Variants in RAP1GAP observed in about 807,000 individuals in gnomAD.
RAP1GAP encodes the protein RAP1 GTPase activating protein, also known as rap1 GTPase-activating protein 1.
In RAP1GAP, 35 loss-of-function variants were observed where a neutral mutation model predicts 87.2. The ratio of observed to expected loss-of-function variants is 0.40; its 90% CI spans 0.31 to 0.53. The LOEUF is 0.53. Ranked by LOEUF, RAP1GAP falls within the 20% of genes least tolerant of loss-of-function variation. RAP1GAP has a pLI of 0.48. For missense variants in RAP1GAP, 734 were observed against 898.9 expected (o/e 0.82, Z 2.35); for synonymous variants, 375 against 363.9 (o/e 1.03, Z -0.35).
intron 2 of RAP1GAP, among the ~76,000 whole-genome samples, chr1:21,644,850 G>C (rs935521496): frequency 1.9e-4 from 28 of 145,282 alleles, no homozygotes; most frequent in African/African-American, 6.2e-4. Flanking sequence ...GCAGTGAACC[G>C]AGATCGCGCC....
At chr1:21,597,756 G>C (rs1197588155) in intron 23 of RAP1GAP, 28 bp from the exon 24 acceptor site, 4 of 1,613,140 alleles carry the variant, frequency 2.5e-6, no homozygotes. Flanking sequence ...TGGTGAGGCA[G>C]GTGGCAAGAC....
intron 1 of RAP1GAP, among the ~76,000 whole-genome samples, chr1:21,652,151 T>C (rs1476081292): frequency 7.2e-6 from 1 of 138,438 alleles, no homozygotes; most frequent in East Asian, 2.5e-4. Context: ...AGACCCTCTG[T>C]TGGAGGGACG....
intron 2 of RAP1GAP, among the ~76,000 whole-genome samples, chr1:21,649,011 C>T (rs1020742158): frequency 4.6e-5 from 7 of 152,142 alleles, no homozygotes; most frequent in African/African-American, 1.4e-4. Context: ...CAGCCAGAGC[C>T]GTCGGGGGGC....
rs1645330144 is a variant in RAP1GAP at position 21,596,653 on chromosome 1, A to C, written c.*646T>G. The stretch of plus-strand genomic sequence containing the variant: ...CCTCAGCCCACCTGGGGCTCCAGGG[A>C]CCTCAAGAAGCAGGGTAGGGTGATA... On this transcript the variant is annotated 3_prime_UTR_variant, in exon 25 of 25. Transcript: ENST00000374765. 1 of 152,320 alleles carries C rather than the reference A, an allele frequency of 6.6e-6. No individual in the cohort carries two copies. Among genetic ancestry groups the C allele is most frequent in the Non-Finnish European group, 1.5e-5 (1 of 68,100 alleles). The allele number at this position is 152,320 out of a possible 1,614,324, so 9.4% of individuals were successfully genotyped here.
chr1:21,610,378 C>T, intron 13 of RAP1GAP, 103 bp from the exon 14 acceptor site: 1 of 1,228,464 alleles, frequency 8.1e-7, no homozygotes, highest in Non-Finnish European at 1.2e-6. Context: ...TCAGAGGGCA[C>T]ATCTAAGGAT....
At chr1:21,608,064 T>TC in intron 17 of RAP1GAP, 149 bp downstream of exon 17, 5 of 1,194,850 alleles carry the variant, frequency 4.2e-6, no homozygotes, top group Non-Finnish European at 5.7e-6. Context: ...GCTGTGTCAA[T>TC]CCCCCAGTCC....
Position 21,611,472 on chromosome 1 carries a change from T to C in RAP1GAP, c.823A>G (p.Thr275Ala). ...MFHVSTKLPY[T>A]EGDAQQLQRK... ...GCTACCTGCTGGGCGTCCCCTTCCG[T>C]GTATGGCAGCTTGGTGGACACGTGA... is the stretch of plus-strand genomic sequence containing the variant. The change falls in exon 13 of 25, where the codon ACG (threonine) becomes GCG (alanine). Residue 275 changes from threonine (T) to alanine (A), a missense_variant. Coordinates refer to ENST00000374765, the MANE Select transcript of RAP1GAP (RefSeq NM_002885.4). 6.2e-7 allele frequency: 1 copy of C among 1,614,054 alleles called. No homozygotes were observed. Among genetic ancestry groups the C allele is most frequent in the Non-Finnish European group, 8.5e-7 (1 of 1,179,960 alleles).
At chr1:21,633,482 A>G (rs1333667430) in intron 2 of RAP1GAP, among the ~76,000 whole-genome samples, 3 of 152,150 alleles carry the variant, frequency 2.0e-5, no homozygotes, top group Non-Finnish European at 4.4e-5. Flanking sequence ...TCTGGTGGCC[A>G]GGGCAGGTGG....
intron 1 of RAP1GAP, among the ~76,000 whole-genome samples, chr1:21,664,285 G>T (rs1458444982): frequency 5.3e-5 from 8 of 152,120 alleles, no homozygotes; most frequent in African/African-American, 1.9e-4. Context: ...ACAGGCGAGG[G>T]GGCCATCCTT....
chr1:21,616,973 C>T (rs1357577129), intron 7 of RAP1GAP, among the ~76,000 whole-genome samples: 1 of 152,220 alleles, frequency 6.6e-6, no homozygotes, highest in Non-Finnish European at 1.5e-5. Context: ...ACCATTTTCA[C>T]AGATTAGGAA....
intron 1 of RAP1GAP, chr1:21,651,708 A>C: frequency 3.1e-6 from 4 of 1,291,458 alleles, no homozygotes; most frequent in Non-Finnish European, 4.2e-6. Flanking sequence ...CACACCCCGC[A>C]CGGGCTCCCC....
rs199787255 is a variant in RAP1GAP at position 21,630,266 on chromosome 1, C to CTTT, written c.-112-3872_-112-3870dup. 2.7e-5 allele frequency among the ~76,000 whole-genome samples: 4 copies of CTTT among 145,882 alleles called. No homozygotes were observed. In the East Asian group the frequency reaches 7.9e-4, roughly 29 times the overall value. Reference sequence around the variant, plus strand: ...TCAATAAATACTTTTTTCTTTTTCCCTTTTTTTTTTTTGTTTTTTGAGACA... The same window carrying CTTT: ...TCAATAAATACTTTTTTCTTTTTCCCTTTTTTTTTTTTTTTGTTTTTTGAGACA... On this transcript the variant is annotated intron_variant, in intron 2 of 24. Transcript: ENST00000374765.
rs368204053 is a variant in RAP1GAP, at chr1:21,611,973, G to C, written c.612+53C>G. On this transcript the variant is annotated intron_variant, in intron 11 of 24. Coordinates refer to ENST00000374765, the MANE Select transcript of RAP1GAP (RefSeq NM_002885.4). ...TGTGCTGCCCTGGAAAAGGTGTGAG[G>C]CTCCAGATATGGGGCCAGGTGGGGA... 5.8e-4 allele frequency: 865 copies of C among 1,492,208 alleles called. 2 individuals are homozygous for C. The African/African-American group carries it at 0.01, about 18-fold the overall frequency. The allele number at this position is 1,492,208 out of a possible 1,614,324, so 92.4% of individuals were successfully genotyped here. A position where few individuals can be genotyped will look rare whatever the true frequency, so the allele number is the denominator to read the frequency against.
At chr1:21,650,234 G>A (rs888499615) in intron 1 of RAP1GAP, among the ~76,000 whole-genome samples, 19 of 152,196 alleles carry the variant, frequency 1.2e-4, no homozygotes, top group East Asian at 3.9e-4. Flanking sequence ...CCCAAGGCCC[G>A]TAGCCTGCCT....
Position 21,622,354 on chromosome 1 carries a change from C to G in RAP1GAP, c.-18-2304G>C. The G allele has an allele frequency of 2.1e-6, 1 of 468,196 alleles. No individual in the cohort carries two copies. Among genetic ancestry groups the G allele is most frequent in the Non-Finnish European group, 3.8e-6 (1 of 265,316 alleles). The allele number at this position is 468,196 out of a possible 1,614,324, so 29.0% of individuals were successfully genotyped here. On this transcript the variant is annotated intron_variant, in intron 3 of 24. Transcript: ENST00000374765. The surrounding 1 kb of genome is among the most constrained non-coding windows in gnomAD (Gnocchi z 5.7). ...GGGTCCTCACCTGCCAGCTGGCCCC[C>G]GCGGGCAGCGAGCCCCTCCGCGGAC...
In RAP1GAP at chr1:21,668,864, G is replaced by A. The variant is rs1217655185; in HGVS notation, c.-149+390C>T. ...GCGCTAGGGCTTGGGCCCCTCCCCA[G>A]GGATGGAGGAAACGCGCCCACTTCC... On this transcript the variant is annotated intron_variant, in intron 1 of 24. Coordinates refer to ENST00000374765, the MANE Select transcript of RAP1GAP (RefSeq NM_002885.4). This position sits in a 1 kb window ranked among gnomAD's most constrained non-coding sequence, Gnocchi z 6.2. Among the ~76,000 whole-genome samples, 2 of 151,454 alleles carry A rather than the reference G, an allele frequency of 1.3e-5. No homozygotes were observed. Among genetic ancestry groups the A allele is most frequent in the African/African-American group, 2.4e-5 (1 of 41,218 alleles).
chr1:21,633,264 C>T (rs1305504297), intron 2 of RAP1GAP, among the ~76,000 whole-genome samples: 1 of 152,170 alleles, frequency 6.6e-6, no homozygotes, highest in Non-Finnish European at 1.5e-5. Flanking sequence ...CCCCTGCTGA[C>T]TCCCTCCAGC....
At chr1:21,601,861 G>A in intron 19 of RAP1GAP, 64 bp from the exon 20 acceptor site, 1 of 1,168,784 alleles carries the variant, frequency 8.6e-7, no homozygotes, top group Non-Finnish European at 1.2e-6. Context: ...CGTAGCGTGA[G>A]GCCCAGGCGG....
Position 21,634,058 on chromosome 1 carries a change from CGGG to C in RAP1GAP, c.-112-7664_-112-7662del, listed in dbSNP as rs59476256. Among the ~76,000 whole-genome samples the C allele has an allele frequency of 0.18, 25,391 of 142,978 alleles. 2,546 individuals are homozygous for C. The highest frequency in any genetic ancestry group is 0.34 in the East Asian group (1,605 of 4,700). 93.8% of individuals were successfully genotyped at this position (142,978 alleles called of 152,430 possible). A position where few individuals can be genotyped will look rare whatever the true frequency, so the allele number is the denominator to read the frequency against. ...TGGCTGCCCCAGAACTGCCCCCTCCCGGGGGGGGGGGGGGGCCACAGAAGCCCA... is the reference window on the plus strand; with the variant it reads ...TGGCTGCCCCAGAACTGCCCCCTCCCGGGGGGGGGGGGCCACAGAAGCCCA... On this transcript the variant is annotated intron_variant, in intron 2 of 24. Coordinates refer to ENST00000374765, the MANE Select transcript of RAP1GAP (RefSeq NM_002885.4). The surrounding 1 kb of genome is among the most constrained non-coding windows in gnomAD (Gnocchi z 4.1).
Sources: gnomAD v4.1 joint callset for allele counts (sites outside exome capture counted in the v4.1 genomes callset) on GRCh38, gnomAD v4.1.1 for gene constraint, Gnocchi (gnomAD v3.1) non-coding constraint, MANE v1.5 for transcripts, NCBI Gene and HGNC (gene_info 2026-07-23, HGNC 2026-07-21) for gene names.